The following TECPR2 variants were observed in gnomAD, a reference collection of about 807,000 sequenced individuals.
The protein encoded by TECPR2 is tectonin beta-propeller repeat containing 2.
TECPR2 carries 65 observed loss-of-function variants against 138.1 expected under a neutral mutation model. The observed-to-expected ratio is 0.47, with a 90% confidence interval of 0.39 to 0.58. The LOEUF is 0.58. Among genes scored for constraint, TECPR2 ranks in the 20% least tolerant of loss-of-function variants. TECPR2 has a pLI of 0.00. For missense variants in TECPR2, 1,553 were observed against 1,824.5 expected (o/e 0.85, Z 2.71); for synonymous variants, 746 against 749.8 (o/e 0.99, Z 0.08).
intron 2 of TECPR2, among the ~76,000 whole-genome samples, chr14:102,377,921 G>A (rs1352517019): frequency 6.6e-6 from 1 of 152,188 alleles, no homozygotes; most frequent in Non-Finnish European, 1.5e-5. Flanking sequence ...CCTCTTAGCT[G>A]AGCTGAGGTC....
In TECPR2 at chr14:102,425,592, T is replaced by C. The variant is rs1595118126; in HGVS notation, c.951+301T>C. Among the ~76,000 whole-genome samples the C allele has an allele frequency of 2.6e-5, 4 of 151,938 alleles. 1 individual carries two copies. The highest frequency in any genetic ancestry group is 6.8e-3 in the Middle Eastern group (2 of 292). On this transcript the variant is annotated intron_variant, in intron 6 of 19. Coordinates refer to ENST00000359520, the MANE Select transcript of TECPR2 (RefSeq NM_014844.5). ...GTTGTTGTTGTTGTTGTTGTTGTTG[T>C]TGAGAAAGAGTCTCGCTCTGTCACC...
chr14:102,482,173 C>A (rs1010523417), intron 17 of TECPR2, among the ~76,000 whole-genome samples: 1 of 152,120 alleles, frequency 6.6e-6, no homozygotes, highest in Admixed American at 6.5e-5. Context: ...TCTGCCTCAG[C>A]CTCCCGAGTA....
Position 102,498,435 on chromosome 14 carries a change from C to T in TECPR2, c.*178C>T. 1 of 834,424 alleles carries T rather than the reference C, an allele frequency of 1.2e-6. No individual in the cohort carries two copies. 51.7% of individuals were successfully genotyped at this position (834,424 alleles called of 1,614,324 possible). ...TCTGTCTCGTTCCAGAACCCACAGC[C>T]TCCACCCGTGGCTGGCGTGATTGCT... On this transcript the variant is annotated 3_prime_UTR_variant, in exon 20 of 20. Coordinates refer to ENST00000359520, the MANE Select transcript of TECPR2 (RefSeq NM_014844.5).
At chr14:102,389,294 C>G (rs1403673549) in intron 2 of TECPR2, among the ~76,000 whole-genome samples, 1 of 152,084 alleles carries the variant, frequency 6.6e-6, no homozygotes, top group Non-Finnish European at 1.5e-5. Context: ...GCACTACACT[C>G]CAGCCTGGGT....
chr14:102,384,947 C>T (rs1887957149), intron 2 of TECPR2, among the ~76,000 whole-genome samples: 1 of 145,256 alleles, frequency 6.9e-6, no homozygotes, highest in African/African-American at 2.5e-5. Context: ...ACCTCTGCCT[C>T]CTAGGTTCCA....
rs545952975 is a variant in TECPR2 at position 102,391,707 on chromosome 14, C to T, written c.219+14767C>T. Among the ~76,000 whole-genome samples the T allele has an allele frequency of 1.4e-4, 21 of 152,332 alleles. No homozygotes were observed. The South Asian group carries it at 4.3e-3, about 32-fold the overall frequency. ...AAGCACCTTTCCTGCCCTCCCCTCT[C>T]TGCACCTGGCAGAGTTGATCACATC... On this transcript the variant is annotated intron_variant, in intron 2 of 19. Transcript: ENST00000359520.
chr14:102,474,580 C>T (rs1419461815), intron 17 of TECPR2, among the ~76,000 whole-genome samples: 3 of 152,114 alleles, frequency 2.0e-5, no homozygotes, highest in African/African-American at 7.2e-5. Context: ...GCCGAGATCG[C>T]GCCATTGCAC....
Position 102,432,143 on chromosome 14 carries a change from T to A in TECPR2, c.1417+15T>A. 2.6e-6 allele frequency: 4 copies of A among 1,522,352 alleles called. No individual in the cohort carries two copies. Among genetic ancestry groups the A allele is most frequent in the Non-Finnish European group, 3.5e-6 (4 of 1,131,606 alleles). The allele number at this position is 1,522,352 out of a possible 1,614,324, so 94.3% of individuals were successfully genotyped here. A position where few individuals can be genotyped will look rare whatever the true frequency, so the allele number is the denominator to read the frequency against. ...GAAGAAGACAGGTACCCTCTGTAGCTGGCACACACCCATCTGGGGTTACAG... is the reference window on the plus strand; with the variant it reads ...GAAGAAGACAGGTACCCTCTGTAGCAGGCACACACCCATCTGGGGTTACAG... On this transcript the variant is annotated intron_variant, in intron 8 of 19. Transcript: ENST00000359520.
At chr14:102,397,395 A>G (rs1208222132) in intron 2 of TECPR2, among the ~76,000 whole-genome samples, 1 of 152,230 alleles carries the variant, frequency 6.6e-6, no homozygotes, top group Non-Finnish European at 1.5e-5. Context: ...GAGACCACAT[A>G]GTAGACCTAC....
chr14:102,455,765 C>T (rs547689379), intron 16 of TECPR2, among the ~76,000 whole-genome samples: 1 of 152,364 alleles, frequency 6.6e-6, no homozygotes, highest in Non-Finnish European at 1.5e-5. Context: ...GCACCCACCA[C>T]CACACCTGGC....
chr14:102,399,773 G>A (rs1888420199), intron 2 of TECPR2, among the ~76,000 whole-genome samples: 1 of 151,576 alleles, frequency 6.6e-6, no homozygotes, highest in African/African-American at 2.4e-5. Context: ...GGAGGTTGTA[G>A]CGAACTGAGA....
At chr14:102,397,399 G>A (rs1478473870) in intron 2 of TECPR2, among the ~76,000 whole-genome samples, 4 of 152,090 alleles carry the variant, frequency 2.6e-5, no homozygotes, top group African/African-American at 9.7e-5. Flanking sequence ...CCACATAGTA[G>A]ACCTACTAGA....
chr14:102,500,223 ACACT>A lies in TECPR2; in HGVS notation c.*1970_*1973del, dbSNP rs1359588823. 1 of 152,500 alleles carries A rather than the reference ACACT, an allele frequency of 6.6e-6. No homozygotes were observed. Among genetic ancestry groups the A allele is most frequent in the Non-Finnish European group, 1.5e-5 (1 of 68,068 alleles). 9.4% of individuals were successfully genotyped at this position (152,500 alleles called of 1,614,324 possible). On this transcript the variant is annotated 3_prime_UTR_variant, in exon 20 of 20. Coordinates refer to ENST00000359520, the MANE Select transcript of TECPR2 (RefSeq NM_014844.5). ...GAGCTGTGAGAAGTGTCCTCAGCCG[ACACT>A]CACGAGGGCAGTGCAAGGGAGAACC...
At chr14:102,498,048 C>CCCAAGCTCCCAGCTCCATCTGTGT in intron 19 of TECPR2, 55 bp from the exon 20 acceptor site, 3 of 1,582,706 alleles carry the variant, frequency 1.9e-6, no homozygotes, top group Non-Finnish European at 2.6e-6. Flanking sequence ...TCCATCTGTG[C>CCCAAGCTCCCAGCTCCATCTGTGT]CCACCCCACA....
At chr14:102,387,878 A>G (rs193030500) in intron 2 of TECPR2, among the ~76,000 whole-genome samples, 2 of 152,300 alleles carry the variant, frequency 1.3e-5, no homozygotes, top group Non-Finnish European at 2.9e-5. Flanking sequence ...TGAGAAGGTG[A>G]CAGTTGAACA....
chr14:102,465,075 G>A (rs1890521525), intron 16 of TECPR2, 66 bp from the exon 17 acceptor site: 2 of 1,569,498 alleles, frequency 1.3e-6, no homozygotes, highest in Non-Finnish European at 1.7e-6. Flanking sequence ...AAAGTTCATA[G>A]ATTAGATGAA....
At chr14:102,459,208 A>G (rs117365151) in intron 16 of TECPR2, among the ~76,000 whole-genome samples, 54 of 152,176 alleles carry the variant, frequency 3.5e-4, no homozygotes, top group East Asian at 1.9e-3. Context: ...GGGGATTACA[A>G]CTGCATGCAG....
chr14:102,441,674 G>A (rs1400078667), intron 11 of TECPR2, among the ~76,000 whole-genome samples: 1 of 152,064 alleles, frequency 6.6e-6, no homozygotes, highest in Non-Finnish European at 1.5e-5. Context: ...CCTGGTGACA[G>A]GGCGAGACTC....
Position 102,445,941 on chromosome 14 carries a change from G to A in TECPR2, c.3069G>A (p.Trp1023Ter). 1.2e-6 allele frequency: 2 copies of A among 1,613,728 alleles called. No individual in the cohort carries two copies. Among genetic ancestry groups the A allele is most frequent in the Non-Finnish European group, 1.7e-6 (2 of 1,179,856 alleles). ...SKKPQGDDDH[W>*]WQVSITDYVV... ...AGCCCCAAGGAGATGACGACCATTGGTGGCAAGTAGGTGTTCAGCTCTGCG... is the reference window on the plus strand; with the variant it reads ...AGCCCCAAGGAGATGACGACCATTGATGGCAAGTAGGTGTTCAGCTCTGCG... The change falls in exon 13 of 20, where the codon TGG (tryptophan) becomes TGA (stop). Residue 1023 changes from tryptophan (W) to a stop codon, truncating the protein, a stop_gained. Transcript: ENST00000359520. LOFTEE classifies it high-confidence loss of function.
Sources: gnomAD v4.1 joint callset for allele counts (sites outside exome capture counted in the v4.1 genomes callset) on GRCh38, gnomAD v4.1.1 for gene constraint, MANE v1.5 for transcripts, NCBI Gene and HGNC (gene_info 2026-07-23, HGNC 2026-07-21) for gene names.